Variants in PGGHG observed in about 807,000 individuals in gnomAD.
PGGHG encodes the protein ATH1, acid trehalase-like 1.
A neutral mutation model predicts 74.5 loss-of-function variants in PGGHG; 67 were observed. The observed-to-expected ratio is 0.90, with a 90% CI of 0.74 to 1.10. PGGHG has a LOEUF of 1.10. Ranked by LOEUF, PGGHG falls within the 50% of genes least tolerant of loss-of-function variation. PGGHG has a pLI of 0.00. For missense variants in PGGHG, 1,034 were observed against 981.5 expected (o/e 1.05, Z -0.72); for synonymous variants, 496 against 419.9 (o/e 1.18, Z -2.21).
rs1215322487 is a variant in PGGHG at position 292,928 on chromosome 11, A to C, written c.1201A>C (p.Arg401=). The C allele has an allele frequency of 1.9e-6, 3 of 1,614,122 alleles. No homozygotes were observed. In the South Asian group the frequency reaches 3.3e-5, roughly 18 times the overall value. The change falls in exon 7 of 14, where the codon AGG becomes CGG. Residue 401 remains arginine, a synonymous_variant. Transcript: ENST00000409548. ...FREAGGWDVV[R]AVAEFWCSRV... ...AGAGGCTGGTGGCTGGGACGTGGTC[A>C]GGGCTGTGGCCGAGTTTTGGTGCAG...
chr11:291,225 A>T (rs990069053), intron 4 of PGGHG, 112 bp downstream of exon 4: 2 of 1,311,340 alleles, frequency 1.5e-6, no homozygotes, highest in African/African-American at 3.0e-5. Flanking sequence ...GGACTGTGGC[A>T]AAAGGGAAGA....
rs967928695 is a variant in PGGHG, at chr11:295,997, C to T, written c.*1248C>T. ...AAGGCCTGTCTGCTGTCTCTGCCAC[C>T]CTCAGCGGCTGCCAGAAGCAGCGTG... is the stretch of plus-strand genomic sequence containing the variant. On this transcript the variant is annotated 3_prime_UTR_variant, in exon 14 of 14. Transcript: ENST00000409548. The T allele has an allele frequency of 2.6e-5, 4 of 152,298 alleles. No individual in the cohort carries two copies. The highest frequency in any genetic ancestry group is 7.2e-5 in the African/African-American group (3 of 41,466). 9.4% of individuals were successfully genotyped at this position (152,298 alleles called of 1,614,324 possible).
Position 294,204 on chromosome 11 carries a change from C to T in PGGHG, c.1808+8C>T, listed in dbSNP as rs1590291333. 7.5e-6 allele frequency: 12 copies of T among 1,601,222 alleles called. No homozygotes were observed. Among genetic ancestry groups the T allele is most frequent in the Non-Finnish European group, 8.5e-6 (10 of 1,173,092 alleles). ...CGGGTGCACGGGGTTCAGGTAAGTG[C>T]AGAGGCTGGCAGAGGGCAGCCCATG... On this transcript the variant is annotated splice_region_variant and intron_variant, in intron 12 of 13. Coordinates refer to ENST00000409548, the MANE Select transcript of PGGHG (RefSeq NM_025092.5).
rs753272628 is a variant in PGGHG at position 293,359 on chromosome 11, C to T, written c.1344-7C>T. On this transcript the variant is annotated splice_polypyrimidine_tract_variant and splice_region_variant and intron_variant, in intron 8 of 13. Transcript: ENST00000409548. ...TTGCAGCCTCCCCCACCTACCTCCA[C>T]CTCCAGCCTGCGCTTTGCTGCTGCC... is the stretch of plus-strand genomic sequence containing the variant. 6.2e-7 allele frequency: 1 copy of T among 1,610,996 alleles called. No individual in the cohort carries two copies. Among genetic ancestry groups the T allele is most frequent in the South Asian group, 1.1e-5 (1 of 91,004 alleles).
At position 291,631 on chromosome 11, in the gene PGGHG, C is replaced by CCCGGTGCTGCCGCTGTGG. The variant is rs1366177026; in HGVS notation, c.907-341_907-324dup. 1.7e-5 allele frequency: 5 copies of CCCGGTGCTGCCGCTGTGG among 298,370 alleles called. No individual in the cohort carries two copies. The Admixed American group carries it at 2.4e-4, about 14-fold the overall frequency. 18.5% of individuals were successfully genotyped at this position (298,370 alleles called of 1,614,324 possible). A position where few individuals can be genotyped will look rare whatever the true frequency, so the allele number is the denominator to read the frequency against. ...GGCTGCTCCATCGTTGTCTGAGCCTCCCGGTGCTGCCGCTGTGGCCGTTTC... is the reference window on the plus strand; with the variant it reads ...GGCTGCTCCATCGTTGTCTGAGCCTCCCGGTGCTGCCGCTGTGGCCGGTGCTGCCGCTGTGGCCGTTTC... On this transcript the variant is annotated intron_variant, in intron 4 of 13. Transcript: ENST00000409548.
rs559010054 is a variant in PGGHG at position 294,932 on chromosome 11, C to T, written c.*183C>T. On this transcript the variant is annotated 3_prime_UTR_variant, in exon 14 of 14. Coordinates refer to ENST00000409548, the MANE Select transcript of PGGHG (RefSeq NM_025092.5). ...TGTAGCCTGGACTCCCGTGGACCCC[C>T]GTGGGCAGGTGGCTTCCCCGTGGCA... 1,700 of 692,416 alleles carry T rather than the reference C, an allele frequency of 2.5e-3. 6 individuals are homozygous for T. The highest frequency in any genetic ancestry group is 3.1e-3 in the Non-Finnish European group (1,362 of 446,482). 42.9% of individuals were successfully genotyped at this position (692,416 alleles called of 1,614,324 possible). A position where few individuals can be genotyped will look rare whatever the true frequency, so the allele number is the denominator to read the frequency against.
Position 290,686 on chromosome 11 carries a change from A to G in PGGHG, c.479A>G (p.Tyr160Cys). The change falls in exon 4 of 14, where the codon TAT (tyrosine) becomes TGT (cysteine). Residue 160 changes from tyrosine (Y) to cysteine (C), a missense_variant. Coordinates refer to ENST00000409548, the MANE Select transcript of PGGHG (RefSeq NM_025092.5). Reference sequence around the variant, plus strand: ...TGGCCACGCTCTCACAGGTACCTGTATGGCCACACCCTCACCCCTGAGCAG... The same window carrying G: ...TGGCCACGCTCTCACAGGTACCTGTGTGGCCACACCCTCACCCCTGAGCAG... ...GPDFQGARYLYGHTLTPEQPG... is the reference protein window; with the variant it reads ...GPDFQGARYLCGHTLTPEQPG... The G allele has an allele frequency of 6.2e-7, 1 of 1,606,918 alleles. No individual in the cohort carries two copies. Among genetic ancestry groups the G allele is most frequent in the Non-Finnish European group, 8.5e-7 (1 of 1,175,804 alleles).
rs370073465 is a variant in PGGHG at position 292,869 on chromosome 11, C to G, written c.1159-17C>G. The G allele has an allele frequency of 1.9e-6, 3 of 1,613,692 alleles. No homozygotes were observed. The highest frequency in any genetic ancestry group is 2.7e-5 in the African/African-American group (2 of 74,908). On this transcript the variant is annotated splice_polypyrimidine_tract_variant and intron_variant, in intron 6 of 13. Coordinates refer to ENST00000409548, the MANE Select transcript of PGGHG (RefSeq NM_025092.5). ...GTGACTGGGGCCCTGGCCTCTGTGC[C>G]TCCTCCTGCTCCCCAGGACCTGCAG...
intron 2 of PGGHG, 72 bp downstream of exon 2, chr11:290,147 A>G: frequency 6.8e-7 from 1 of 1,467,254 alleles, no homozygotes; most frequent in South Asian, 1.4e-5. Context: ...CACAGCATCG[A>G]ATCCCACCAG....
rs867196284 is a variant in PGGHG at position 289,834 on chromosome 11, G to T, written c.18G>T (p.Glu6Asp). The T allele has an allele frequency of 1.3e-6, 2 of 1,550,550 alleles. No homozygotes were observed. Among genetic ancestry groups the T allele is most frequent in the African/African-American group, 2.7e-5 (2 of 73,042 alleles). Residue 6 changes from glutamate to aspartate, a missense_variant, in exon 2 of 14, where the codon GAG becomes GAT. Transcript: ENST00000409548. This position sits in a 1 kb window ranked among gnomAD's most constrained non-coding sequence, Gnocchi z 5.6. ...GCAGCTCCATGGAGGACGCCGGCGA[G>T]GACCCCACCACGTTTGCTGCCCACT... Reference protein sequence around the residue: MEDAGEDPTTFAAHSL... With the variant: MEDAGDDPTTFAAHSL...
chr11:291,937 C>T lies in PGGHG; in HGVS notation c.907-39C>T, dbSNP rs371795837. The T allele has an allele frequency of 2.3e-4, 361 of 1,565,342 alleles. 1 individual carries two copies. The African/African-American group carries it at 2.6e-3, about 11-fold the overall frequency. Reference sequence around the variant, plus strand: ...TGGCCAGGAGGGGCGGGAGCAGTGACGGCCTGTCCGGCGCTAGAACGAGGG... The same window carrying T: ...TGGCCAGGAGGGGCGGGAGCAGTGATGGCCTGTCCGGCGCTAGAACGAGGG... On this transcript the variant is annotated intron_variant, in intron 4 of 13. Coordinates refer to ENST00000409548, the MANE Select transcript of PGGHG (RefSeq NM_025092.5).
chr11:290,518 A>G lies in PGGHG; in HGVS notation c.388A>G (p.Ile130Val). 1.3e-6 allele frequency: 2 copies of G among 1,550,500 alleles called. No individual in the cohort carries two copies. The highest frequency in any genetic ancestry group is 1.2e-5 in the South Asian group (1 of 84,090). ...CCGCCTGGCCCCGGGGAGCGGGCCC[A>G]TCACGCTGCTCCTGCGGTCAGCCTT... ...IARLAPGSGP[I>V]TLLLRSAFSP... Residue 130 changes from isoleucine to valine, a missense_variant, in exon 3 of 14, where the codon ATC becomes GTC. Transcript: ENST00000409548.
In PGGHG at chr11:292,012, C is replaced by G. The variant is rs1245981296; in HGVS notation, c.943C>G (p.Pro315Ala). The G allele has an allele frequency of 6.2e-7, 1 of 1,609,472 alleles. No individual in the cohort carries two copies. The highest frequency in any genetic ancestry group is 1.7e-5 in the Admixed American group (1 of 59,450). Residue 315 changes from proline to alanine, a missense_variant, in exon 5 of 14, where the codon CCA becomes GCA. Pro to Ala is a conservative substitution (Grantham distance 27). Transcript: ENST00000409548. ...WMFPSILMFH[P>A]EAARAILEYR... is the part of the protein sequence containing the mutation. The stretch of plus-strand genomic sequence containing the variant: ...GTTCCCGAGTATCCTGATGTTCCAC[C>G]CAGAAGCCGCCAGGGCCATCCTGGA...
At chr11:293,336 G>A (rs1347806191) in intron 8 of PGGHG, 30 bp from the exon 9 acceptor site, 9 of 1,606,528 alleles carry the variant, frequency 5.6e-6, no homozygotes, top group Non-Finnish European at 7.6e-6. Context: ...TGTAGGGGTT[G>A]CAGCCTCCCC....
chr11:291,844 A>G (rs1845732011), intron 4 of PGGHG, 132 bp from the exon 5 acceptor site: 1 of 1,319,606 alleles, frequency 7.6e-7, no homozygotes, highest in Non-Finnish European at 1.0e-6. Flanking sequence ...GAGGGCCTGC[A>G]GATCTGAGTG....
At chr11:292,719 G>A in intron 6 of PGGHG, 42 bp downstream of exon 6, 1 of 1,612,678 alleles carries the variant, frequency 6.2e-7, no homozygotes, top group Non-Finnish European at 8.5e-7. Flanking sequence ...GTGTGGCCAG[G>A]CAGCTGGTGT....
chr11:293,873 G>A lies in PGGHG; in HGVS notation c.1658G>A (p.Arg553Gln), dbSNP rs141897148. The A allele has an allele frequency of 2.1e-4, 343 of 1,613,604 alleles. 1 individual carries two copies. The highest frequency in any genetic ancestry group is 8.0e-5 in the African/African-American group (6 of 75,050). ...TGGATGGAGCTGAAGGACGCAGTGC[G>A]GGCCCGGGGCCTCCTGGACAGGAGC... ...VGWMELKDAVRARGLLDRSFA... is the reference protein window; with the variant it reads ...VGWMELKDAVQARGLLDRSFA... The change falls in exon 11 of 14, where the codon CGG becomes CAG. Residue 553 changes from arginine to glutamine, a missense_variant. Coordinates refer to ENST00000409548, the MANE Select transcript of PGGHG (RefSeq NM_025092.5).
chr11:294,308 C>G lies in PGGHG; in HGVS notation c.1850C>G (p.Ser617Trp). Residue 617 changes from serine (S) to tryptophan (W), a missense_variant, in exon 13 of 14, where the codon TCG becomes TGG. By Grantham distance (177) the Ser-to-Trp change is radical. Transcript: ENST00000409548. Reference sequence around the variant, plus strand: ...GTGACCTTTGACCCTGTGTGTCTGTCGGGGATCTCCAGAGTGAGCGTCTCC... The same window carrying G: ...GTGACCTTTGACCCTGTGTGTCTGTGGGGGATCTCCAGAGTGAGCGTCTCC... The part of the protein sequence containing the change: ...AGVTFDPVCL[S>W]GISRVSVSGI... 1.9e-6 allele frequency: 3 copies of G among 1,612,232 alleles called. No individual in the cohort carries two copies. The South Asian group carries it at 3.3e-5, about 18-fold the overall frequency.
Position 289,565 on chromosome 11 carries a change from GACAC to G in PGGHG, c.-13-236_-13-233del. On this transcript the variant is annotated intron_variant, in intron 1 of 13. Coordinates refer to ENST00000409548, the MANE Select transcript of PGGHG (RefSeq NM_025092.5). This position sits in a 1 kb window ranked among gnomAD's most constrained non-coding sequence, Gnocchi z 5.6. ...GAATTCTAAGGTAGCAGGAGGGAGA[GACAC>G]ACTCAGGGGCTCAGCTGGGTTCCTG... 1 of 560,216 alleles carries G rather than the reference GACAC, an allele frequency of 1.8e-6. No homozygotes were observed. Among genetic ancestry groups the G allele is most frequent in the Non-Finnish European group, 3.1e-6 (1 of 319,514 alleles). 34.7% of individuals were successfully genotyped at this position (560,216 alleles called of 1,614,324 possible).
Sources: gnomAD v4.1 joint callset for allele counts on GRCh38, gnomAD v4.1.1 for gene constraint, Gnocchi (gnomAD v3.1) non-coding constraint, MANE v1.5 for transcripts, NCBI Gene and HGNC (gene_info 2026-07-23, HGNC 2026-07-21) for gene names.